Variants in PSORS1C1 observed in about 807,000 individuals in gnomAD.
The protein encoded by PSORS1C1 is psoriasis susceptibility 1 candidate 1.
Under a neutral mutation model 9.4 loss-of-function variants are expected in PSORS1C1, and 7 were observed. The observed-to-expected ratio is 0.75, with a 90% confidence interval of 0.42 to 1.40. PSORS1C1 has a LOEUF of 1.40. Ranked by LOEUF, PSORS1C1 falls within the 40% of genes most tolerant of loss-of-function variation. The pLI, the probability that PSORS1C1 is intolerant of heterozygous loss-of-function variation, is 0.01. For synonymous variants in PSORS1C1, 63 were observed against 69.4 expected, an observed-to-expected ratio of 0.91 and a Z score of 0.46; for missense variants, 146 against 178.1, an observed-to-expected ratio of 0.82 and a Z score of 1.02.
chr6:31,137,383 G>A (rs370784317), intron 3 of PSORS1C1, among the ~76,000 whole-genome samples: 1 of 152,170 alleles, frequency 6.6e-6, no homozygotes, highest in Admixed American at 6.5e-5. Context: ...GAACCCGGGA[G>A]GCGGAGCTTG....
In PSORS1C1 at chr6:31,115,909, T is replaced by G; in HGVS notation, c.-229+1018T>G. 2.2e-6 allele frequency: 2 copies of G among 901,870 alleles called. No individual in the cohort carries two copies. The highest frequency in any genetic ancestry group is 3.6e-6 in the Non-Finnish European group (2 of 557,628). 55.9% of individuals were successfully genotyped at this position (901,870 alleles called of 1,614,324 possible). A position where few individuals can be genotyped will look rare whatever the true frequency, so the allele number is the denominator to read the frequency against. ...AGTGGAGAAAGCAGAACCACTCTTTTGGGAAGGAGGGAAACTGAGCTAACC... is the reference window on the plus strand; with the variant it reads ...AGTGGAGAAAGCAGAACCACTCTTTGGGGAAGGAGGGAAACTGAGCTAACC... On this transcript the variant is annotated intron_variant, in intron 1 of 5. Coordinates refer to ENST00000259881, the MANE Select transcript of PSORS1C1 (RefSeq NM_014068.3). The surrounding 1 kb of genome is among the most constrained non-coding windows in gnomAD (Gnocchi z 4.2).
intron 3 of PSORS1C1, chr6:31,133,682 T>C (rs1425525546): frequency 6.6e-6 from 1 of 152,286 alleles, no homozygotes; most frequent in African/African-American, 2.4e-5. Flanking sequence ...TTAGGAAATA[T>C]GCATTTTTAC....
intron 1 of PSORS1C1, chr6:31,116,030 G>T (rs775263614): frequency 5.0e-6 from 8 of 1,609,742 alleles, no homozygotes; most frequent in African/African-American, 1.3e-5. Context: ...ACTTCTTATG[G>T]ACTGTTGAGT....
chr6:31,117,686 CTA>C (rs1772242413), intron 1 of PSORS1C1: 3 of 676,580 alleles, frequency 4.4e-6, no homozygotes, highest in Non-Finnish European at 7.8e-6. Context: ...GCTATTGTCT[CTA>C]AAGGATATTG....
In PSORS1C1 at chr6:31,139,247, C is replaced by A; in HGVS notation, c.168-394C>A. On this transcript the variant is annotated intron_variant, in intron 5 of 5. Coordinates refer to ENST00000259881, the MANE Select transcript of PSORS1C1 (RefSeq NM_014068.3). The surrounding 1 kb of genome is among the most constrained non-coding windows in gnomAD (Gnocchi z 5.2). ...CTCCAGCCCAGGACCCAGCTGCCTGCTCTCCCTATCATGACCCAGAGCCTG... is the reference window on the plus strand; with the variant it reads ...CTCCAGCCCAGGACCCAGCTGCCTGATCTCCCTATCATGACCCAGAGCCTG... The A allele has an allele frequency of 1.2e-5, 7 of 587,698 alleles. No individual in the cohort carries two copies. Among genetic ancestry groups the A allele is most frequent in the Non-Finnish European group, 2.1e-5 (7 of 330,076 alleles). 36.4% of individuals were successfully genotyped at this position (587,698 alleles called of 1,614,324 possible). A position where few individuals can be genotyped will look rare whatever the true frequency, so the allele number is the denominator to read the frequency against.
chr6:31,124,382 A>G (rs957390509), intron 1 of PSORS1C1, among the ~76,000 whole-genome samples: 2 of 152,180 alleles, frequency 1.3e-5, no homozygotes, highest in African/African-American at 4.8e-5. Flanking sequence ...GTCTTGTTCA[A>G]TCTTCACAAC....
intron 1 of PSORS1C1, among the ~76,000 whole-genome samples, chr6:31,125,047 G>A (rs996809479): frequency 7.9e-5 from 12 of 152,200 alleles, no homozygotes; most frequent in Non-Finnish European, 1.6e-4. Context: ...TCCTCTGGGG[G>A]CCTGAGAGTC....
chr6:31,139,907 C>A lies in PSORS1C1; in HGVS notation c.434C>A (p.Pro145His), dbSNP rs558556726. Reference protein sequence around the residue: ...LLYSSPPSHSPFGLSSLI With the variant: ...LLYSSPPSHSHFGLSSLI The stretch of plus-strand genomic sequence containing the variant: ...TACTCGTCTCCTCCCTCCCATTCTC[C>A]TTTTGGTCTCAGCTCCTTGATCTAA... The change falls in exon 6 of 6, where the codon CCT (proline) becomes CAT (histidine). Residue 145 changes from proline (P) to histidine (H), a missense_variant. By Grantham distance (77) the Pro-to-His change is moderately conservative. Coordinates refer to ENST00000259881, the MANE Select transcript of PSORS1C1 (RefSeq NM_014068.3). The surrounding 1 kb of genome is among the most constrained non-coding windows in gnomAD (Gnocchi z 5.2). The A allele has an allele frequency of 3.7e-5, 59 of 1,612,532 alleles. No homozygotes were observed. Among genetic ancestry groups the A allele is most frequent in the Non-Finnish European group, 4.7e-5 (56 of 1,179,740 alleles).
At chr6:31,120,301 C>T in intron 1 of PSORS1C1, 2 of 1,508,194 alleles carry the variant, frequency 1.3e-6, no homozygotes, top group Non-Finnish European at 1.8e-6. Context: ...TCCCTCCCGC[C>T]TCCCTCCTGT....
At chr6:31,138,019 C>A in intron 3 of PSORS1C1, 1 of 1,524,522 alleles carries the variant, frequency 6.6e-7, no homozygotes. Context: ...ACCTCAGGGG[C>A]AGGAGGCCAG....
At chr6:31,130,862 A>ATT (rs56327850) in intron 3 of PSORS1C1, among the ~76,000 whole-genome samples, 9 of 143,530 alleles carry the variant, frequency 6.3e-5, no homozygotes, top group South Asian at 4.4e-4. Context: ...TTTAATTTTA[A>ATT]TTTTTTTTTT....
chr6:31,130,120 A>AT (rs1339947643), intron 3 of PSORS1C1, among the ~76,000 whole-genome samples: 4 of 149,844 alleles, frequency 2.7e-5, no homozygotes, highest in Admixed American at 1.3e-4. Context: ...TAATTAATTA[A>AT]TTTTTTTTCC....
At chr6:31,121,473 A>G (rs1297834804) in intron 1 of PSORS1C1, among the ~76,000 whole-genome samples, 2 of 152,184 alleles carry the variant, frequency 1.3e-5, no homozygotes, top group Non-Finnish European at 1.5e-5. Flanking sequence ...GGAGAACCGG[A>G]GCCCTGCCAT....
intron 1 of PSORS1C1, chr6:31,116,634 C>G: frequency 1.2e-6 from 2 of 1,613,084 alleles, no homozygotes; most frequent in Non-Finnish European, 1.7e-6. Context: ...TCACAGGGTT[C>G]TCTTTGGTGA....
intron 1 of PSORS1C1, chr6:31,116,514 A>G: frequency 6.2e-7 from 1 of 1,612,666 alleles, no homozygotes; most frequent in Non-Finnish European, 8.5e-7. Flanking sequence ...GCTGGAATGC[A>G]ATGGCCGAGG....
chr6:31,135,764 C>T (rs1034119481), intron 3 of PSORS1C1, among the ~76,000 whole-genome samples: 4 of 152,056 alleles, frequency 2.6e-5, no homozygotes, highest in African/African-American at 4.8e-5. Context: ...TGGTCAGGCG[C>T]GGTGGCTCGT....
intron 1 of PSORS1C1, chr6:31,117,077 C>T (rs1772182677): frequency 6.2e-7 from 1 of 1,614,054 alleles, no homozygotes. Context: ...TAAGAGTTGT[C>T]ATTGGTTGGC....
At chr6:31,135,710 T>C (rs1773108678) in intron 3 of PSORS1C1, among the ~76,000 whole-genome samples, 1 of 152,128 alleles carries the variant, frequency 6.6e-6, no homozygotes, top group African/African-American at 2.4e-5. Flanking sequence ...ATTATTGCAG[T>C]TAACCAAAAC....
chr6:31,133,707 T>C (rs1042348427), intron 3 of PSORS1C1: 5 of 152,244 alleles, frequency 3.3e-5, no homozygotes, highest in African/African-American at 1.2e-4. Context: ...TTTGATGTTA[T>C]TTAAACTTGC....
Sources: allele counts gnomAD v4.1 joint callset (sites outside exome capture counted in the v4.1 genomes callset), GRCh38; gene constraint gnomAD v4.1.1; non-coding constraint Gnocchi (gnomAD v3.1); transcripts MANE v1.5; gene names NCBI Gene and HGNC (gene_info 2026-07-23, HGNC 2026-07-21).